CTNNBL1: variants seen among roughly 807,000 people sequenced by gnomAD.
CTNNBL1 encodes beta-catenin-like protein 1.
A neutral mutation model predicts 72.7 loss-of-function variants in CTNNBL1; 31 were observed. That is an observed-to-expected ratio of 0.43 (90% confidence interval 0.32 to 0.58). CTNNBL1 has a LOEUF of 0.58. Among genes scored for constraint, CTNNBL1 ranks in the 20% least tolerant of loss-of-function variants. CTNNBL1 has a pLI of 0.08. For missense variants in CTNNBL1, 534 were observed against 725.1 expected (o/e 0.74, Z 3.03); for synonymous variants, 240 against 267.3 (o/e 0.90, Z 1.00).
Position 37,869,594 on chromosome 20 carries a change from G to A in CTNNBL1, c.1604-2331G>A, listed in dbSNP as rs2072566002. On this transcript the variant is annotated intron_variant, in intron 15 of 15. Coordinates refer to ENST00000361383, the MANE Select transcript of CTNNBL1 (RefSeq NM_030877.5). ...GGAGAGAGGGGCTGGGTGGAGGATG[G>A]TCTAGCAGTCAGGCCCACATGTGCT... Among the ~76,000 whole-genome samples, 3 of 152,230 alleles carry A rather than the reference G, an allele frequency of 2.0e-5. No individual in the cohort carries two copies. The South Asian group carries it at 6.2e-4, about 31-fold the overall frequency.
At chr20:37,762,890 G>C (rs2073430551) in intron 5 of CTNNBL1, among the ~76,000 whole-genome samples, 1 of 152,160 alleles carries the variant, frequency 6.6e-6, no homozygotes, top group Admixed American at 6.5e-5. Flanking sequence ...TCCGTAGCAA[G>C]AAGAAAGATT....
intron 11 of CTNNBL1, among the ~76,000 whole-genome samples, chr20:37,819,237 G>A (rs2072085242): frequency 2.0e-5 from 3 of 152,160 alleles, no homozygotes; most frequent in Admixed American, 2.0e-4. Flanking sequence ...TTTGTTCAAT[G>A]TAAAATTTCT....
rs1267811167 is a variant in CTNNBL1, at chr20:37,830,502, C to T, written c.1214-9600C>T. On this transcript the variant is annotated intron_variant, in intron 11 of 15. Coordinates refer to ENST00000361383, the MANE Select transcript of CTNNBL1 (RefSeq NM_030877.5). ...GCAGGACCCCTCTAGAATCTGGAGG[C>T]ACCTCTCTTGGTACAGAAGGTTGAG... 2.0e-5 allele frequency among the ~76,000 whole-genome samples: 3 copies of T among 152,126 alleles called. 1 individual carries two copies. The highest frequency in any genetic ancestry group is 6.5e-5 in the Admixed American group (1 of 15,280).
chr20:37,762,680 A>C (rs1365736378), intron 5 of CTNNBL1, among the ~76,000 whole-genome samples: 1 of 152,182 alleles, frequency 6.6e-6, no homozygotes, highest in Non-Finnish European at 1.5e-5. Flanking sequence ...AGGGAATAGA[A>C]TAGAATGCTA....
chr20:37,708,510 A>G (rs956365312), intron 1 of CTNNBL1, among the ~76,000 whole-genome samples: 3 of 152,156 alleles, frequency 2.0e-5, no homozygotes, highest in African/African-American at 7.2e-5. Context: ...TAAATCTTCA[A>G]TTTGTAAAAA....
At chr20:37,871,852 A>G in intron 15 of CTNNBL1, 73 bp from the exon 16 acceptor site, 2 of 1,301,274 alleles carry the variant, frequency 1.5e-6, no homozygotes, top group South Asian at 1.2e-5. Flanking sequence ...GTTCTGGGAA[A>G]GGTATGAAGC....
At chr20:37,751,281 C>T (rs532242377) in intron 4 of CTNNBL1, among the ~76,000 whole-genome samples, 2 of 152,052 alleles carry the variant, frequency 1.3e-5, no homozygotes, top group Non-Finnish European at 2.9e-5. Context: ...CTTTGTGAGA[C>T]AGAAAAATGA....
At chr20:37,720,817 G>A (rs952823152) in intron 1 of CTNNBL1, among the ~76,000 whole-genome samples, 2 of 152,308 alleles carry the variant, frequency 1.3e-5, no homozygotes, top group Admixed American at 6.5e-5. Flanking sequence ...TGAGATATTT[G>A]TTAGAAGCAA....
chr20:37,694,306 C>G (rs936787977), intron 1 of CTNNBL1, among the ~76,000 whole-genome samples, 154 bp downstream of exon 1: 2 of 152,208 alleles, frequency 1.3e-5, no homozygotes, highest in African/African-American at 4.8e-5. Flanking sequence ...TTACTTTGCT[C>G]TCCGAAGCCC....
rs181057353 is a variant in CTNNBL1 at position 37,860,003 on chromosome 20, C to G, written c.1497C>G (p.Ile499Met). ...GLFVLQHICY[I>M]MAEICNANVP... ...TTGTTCTCCAGCACATCTGCTACAT[C>G]ATGGCCGAGATCTGCAATGCCAATG... The change falls in exon 14 of 16, where the codon ATC (isoleucine) becomes ATG (methionine). Residue 499 changes from isoleucine (I) to methionine (M), a missense_variant. Coordinates refer to ENST00000361383, the MANE Select transcript of CTNNBL1 (RefSeq NM_030877.5). 51 of 1,614,060 alleles carry G rather than the reference C, an allele frequency of 3.2e-5. No individual in the cohort carries two copies. In the East Asian group the frequency reaches 1.1e-3, roughly 34 times the overall value.
At chr20:37,713,338 T>C (rs2072955562) in intron 1 of CTNNBL1, among the ~76,000 whole-genome samples, 1 of 152,182 alleles carries the variant, frequency 6.6e-6, no homozygotes, top group African/African-American at 2.4e-5. Flanking sequence ...GGTAATTTTT[T>C]CCCCCTCCCC....
chr20:37,842,908 A>G (rs6126259), intron 13 of CTNNBL1, among the ~76,000 whole-genome samples: 124,437 of 152,158 alleles, frequency 0.82, 50,926 homozygotes, highest in Middle Eastern at 0.89. Context: ...GCTCAGATGC[A>G]TTGCAGCCAA....
intron 7 of CTNNBL1, among the ~76,000 whole-genome samples, chr20:37,776,554 C>G (rs945759841): frequency 2.0e-4 from 30 of 152,222 alleles, no homozygotes; most frequent in African/African-American, 6.7e-4. Flanking sequence ...TAAATAAAAA[C>G]ACACCACTGA....
chr20:37,764,927 A>G lies in CTNNBL1; in HGVS notation c.565-270A>G, dbSNP rs570694567. Among the ~76,000 whole-genome samples, 20 of 152,240 alleles carry G rather than the reference A, an allele frequency of 1.3e-4. 1 individual carries two copies. The South Asian group carries it at 1.9e-3, about 14-fold the overall frequency. ...CAAGTGCTAACACTGTCACTCACCAACCTTTTAACCTTGAATTTTACTTTG... is the reference window on the plus strand; with the variant it reads ...CAAGTGCTAACACTGTCACTCACCAGCCTTTTAACCTTGAATTTTACTTTG... On this transcript the variant is annotated intron_variant, in intron 5 of 15. Coordinates refer to ENST00000361383, the MANE Select transcript of CTNNBL1 (RefSeq NM_030877.5).
At chr20:37,797,530 T>G (rs1347706991) in intron 10 of CTNNBL1, among the ~76,000 whole-genome samples, 8 of 152,148 alleles carry the variant, frequency 5.3e-5, no homozygotes, top group African/African-American at 1.9e-4. Flanking sequence ...GCACATAGAT[T>G]TGATGACTCT....
intron 13 of CTNNBL1, among the ~76,000 whole-genome samples, chr20:37,842,813 G>A (rs757456904): frequency 3.3e-5 from 5 of 152,218 alleles, no homozygotes; most frequent in South Asian, 2.1e-4. Flanking sequence ...TGATCACAGC[G>A]TAGAGGAGCT....
intron 3 of CTNNBL1, among the ~76,000 whole-genome samples, chr20:37,738,534 T>C (rs2073188661): frequency 6.6e-6 from 1 of 152,148 alleles, no homozygotes; most frequent in Non-Finnish European, 1.5e-5. Flanking sequence ...CCTATCTTTG[T>C]CCCTCCCAGG....
intron 1 of CTNNBL1, 58 bp from the exon 2 acceptor site, chr20:37,732,821 C>G: frequency 6.6e-7 from 1 of 1,517,288 alleles, no homozygotes; most frequent in Non-Finnish European, 9.0e-7. Flanking sequence ...GCATGAGCCA[C>G]CACGCCTGGC....
chr20:37,728,007 G>T (rs1033886021), intron 1 of CTNNBL1, among the ~76,000 whole-genome samples: 4 of 152,150 alleles, frequency 2.6e-5, no homozygotes, highest in African/African-American at 9.7e-5. Context: ...ACTCTTTCAC[G>T]AACAGACAGG....
Sources: allele counts gnomAD v4.1 joint callset (sites outside exome capture counted in the v4.1 genomes callset), GRCh38; gene constraint gnomAD v4.1.1; transcripts MANE v1.5; gene names NCBI Gene and HGNC (gene_info 2026-07-23, HGNC 2026-07-21).